The following RALGAPA1 variants were observed in gnomAD, a reference collection of about 807,000 sequenced individuals.
The protein encoded by RALGAPA1 is ral GTPase-activating protein subunit alpha-1.
RALGAPA1 carries 52 observed loss-of-function variants against 269.6 expected under a neutral mutation model. The observed-to-expected ratio is 0.19, with a 90% CI of 0.15 to 0.24. The LOEUF (loss-of-function observed/expected upper bound fraction) is 0.24, where lower values mean the gene tolerates loss of function less well. RALGAPA1 is among the 10% of genes least tolerant of loss of function. The pLI is 1.00. For missense variants in RALGAPA1, 1,917 were observed against 3,013.9 expected (o/e 0.64, Z 8.52); for synonymous variants, 817 against 1,008.3 (o/e 0.81, Z 3.60).
intron 36 of RALGAPA1, among the ~76,000 whole-genome samples, chr14:35,599,301 C>T (rs559624985): frequency 3.9e-5 from 6 of 152,248 alleles, no homozygotes; most frequent in African/African-American, 1.4e-4. Context: ...TTTCAAAATT[C>T]CTCCTTTTAT....
At chr14:35,652,680 C>T (rs925485031) in intron 30 of RALGAPA1, among the ~76,000 whole-genome samples, 1 of 152,098 alleles carries the variant, frequency 6.6e-6, no homozygotes, top group Non-Finnish European at 1.5e-5. Flanking sequence ...GCTGGGATTA[C>T]AGGCATGAGC....
At chr14:35,771,589 G>A (rs576980762) in intron 3 of RALGAPA1, among the ~76,000 whole-genome samples, 126 of 152,110 alleles carry the variant, frequency 8.3e-4, no homozygotes, top group African/African-American at 2.8e-3. Flanking sequence ...AATATAGAAG[G>A]TATATGTTTT....
At chr14:35,607,214 T>C (rs1371604984) in intron 35 of RALGAPA1, among the ~76,000 whole-genome samples, 2 of 152,260 alleles carry the variant, frequency 1.3e-5, no homozygotes, top group African/African-American at 4.8e-5. Context: ...TTTTGATATA[T>C]GAATTACAAC....
At chr14:35,566,716 TTTAAAA>T (rs2056739306) in intron 39 of RALGAPA1, among the ~76,000 whole-genome samples, 1 of 151,772 alleles carries the variant, frequency 6.6e-6, no homozygotes, top group African/African-American at 2.4e-5. Context: ...TAAGTATTTA[TTTAAAA>T]TTAAGACAGA....
At position 35,640,189 on chromosome 14, in the gene RALGAPA1, GAGC is replaced by G. The variant is rs541050329; in HGVS notation, c.5677-4594_5677-4592del. ...GCATCTTAAAGAACCAGAAAAGCAA[GAGC>G]AAACCAAACCCAAAGTAAGCAGAAT... On this transcript the variant is annotated intron_variant, in intron 31 of 41. Coordinates refer to ENST00000680220, the MANE Select transcript of RALGAPA1 (RefSeq NM_001346249.2). Among the ~76,000 whole-genome samples, 109 of 151,948 alleles carry G rather than the reference GAGC, an allele frequency of 7.2e-4. 1 individual carries two copies. Among genetic ancestry groups the G allele is most frequent in the Middle Eastern group, 3.4e-3 (1 of 292 alleles).
intron 37 of RALGAPA1, among the ~76,000 whole-genome samples, chr14:35,585,111 C>G (rs1400837669): frequency 6.6e-6 from 1 of 152,154 alleles, no homozygotes; most frequent in African/African-American, 2.4e-5. Flanking sequence ...GGAGTCAATA[C>G]TAGAAGATGA....
chr14:35,648,345 A>T (rs1209731465), intron 31 of RALGAPA1, among the ~76,000 whole-genome samples: 1 of 148,816 alleles, frequency 6.7e-6, no homozygotes, highest in Non-Finnish European at 1.5e-5. Flanking sequence ...GCACGCCTGT[A>T]ATCCCAGCTA....
intron 41 of RALGAPA1, among the ~76,000 whole-genome samples, chr14:35,540,809 A>C (rs985882261): frequency 1.3e-5 from 2 of 152,196 alleles, no homozygotes; most frequent in African/African-American, 2.4e-5. Context: ...GTACACATAC[A>C]TGTCCTTACT....
At position 35,675,732 on chromosome 14, in the gene RALGAPA1, T is replaced by C. The variant is rs565743476; in HGVS notation, c.4625-1023A>G. ...AAAAAAAATCCATTATTCTACTCAATGTATATAATGGAAAAGGCTATAGAA... is the reference window on the plus strand; with the variant it reads ...AAAAAAAATCCATTATTCTACTCAACGTATATAATGGAAAAGGCTATAGAA... On this transcript the variant is annotated intron_variant, in intron 22 of 41. Coordinates refer to ENST00000680220, the MANE Select transcript of RALGAPA1 (RefSeq NM_001346249.2). Among the ~76,000 whole-genome samples the C allele has an allele frequency of 5.3e-5, 8 of 152,238 alleles. No individual in the cohort carries two copies. In the East Asian group the frequency reaches 1.5e-3, roughly 29 times the overall value.
At chr14:35,678,353 G>C (rs543238109) in intron 21 of RALGAPA1, among the ~76,000 whole-genome samples, 12 of 152,102 alleles carry the variant, frequency 7.9e-5, no homozygotes, top group Admixed American at 7.2e-4. Flanking sequence ...GGAGCCATTA[G>C]TGAAACTAAG....
intron 14 of RALGAPA1, 119 bp from the exon 15 acceptor site, chr14:35,723,383 T>C: frequency 1.7e-6 from 1 of 594,988 alleles, no homozygotes; most frequent in South Asian, 2.5e-5. Flanking sequence ...TCGCATGCTT[T>C]TTTTAATAGA....
chr14:35,573,741 G>T (rs1187952926), intron 37 of RALGAPA1, among the ~76,000 whole-genome samples: 1 of 152,094 alleles, frequency 6.6e-6, no homozygotes, highest in African/African-American at 2.4e-5. Flanking sequence ...GCATACACAA[G>T]TTGAATAATA....
chr14:35,583,331 T>C (rs142468179), intron 37 of RALGAPA1, among the ~76,000 whole-genome samples: 1 of 152,196 alleles, frequency 6.6e-6, no homozygotes, highest in South Asian at 2.1e-4. Context: ...ATGTCTTTGA[T>C]AGGCTCATTC....
chr14:35,766,346 G>T, intron 4 of RALGAPA1: 2 of 1,294,190 alleles, frequency 1.5e-6, no homozygotes, highest in South Asian at 2.4e-5. Context: ...TTCCCAGTTT[G>T]ACAAATGTGA....
intron 9 of RALGAPA1, among the ~76,000 whole-genome samples, chr14:35,750,042 A>AT: frequency 6.6e-6 from 1 of 152,212 alleles, no homozygotes; most frequent in Admixed American, 6.5e-5. Context: ...TTGCTTTGTA[A>AT]TTTTATATCA....
rs1343622424 is a variant in RALGAPA1 at position 35,742,423 on chromosome 14, A to G, written c.1394T>C (p.Ile465Thr). The G allele has an allele frequency of 1.9e-6, 3 of 1,606,088 alleles. No homozygotes were observed. The highest frequency in any genetic ancestry group is 2.2e-5 in the East Asian group (1 of 44,582). ...IVITSSDLPCIENVTDHDISM... is the reference protein window; with the variant it reads ...IVITSSDLPCTENVTDHDISM... ...AATATCATGGTCTGTGACATTTTCAATGCAAGGGAGGTCTGAAGAAGTGAT... is the reference window on the plus strand; with the variant it reads ...AATATCATGGTCTGTGACATTTTCAGTGCAAGGGAGGTCTGAAGAAGTGAT... The change falls in exon 11 of 42, where the codon ATT (isoleucine) becomes ACT (threonine). Residue 465 changes from isoleucine to threonine, a missense_variant. Physicochemically the swap from Ile to Thr is moderately conservative, Grantham distance 89 (BLOSUM62 -1). Coordinates refer to ENST00000680220, the MANE Select transcript of RALGAPA1 (RefSeq NM_001346249.2).
chr14:35,671,185 T>C (rs1185705256), intron 26 of RALGAPA1, among the ~76,000 whole-genome samples: 1 of 152,204 alleles, frequency 6.6e-6, no homozygotes, highest in African/African-American at 2.4e-5. Context: ...CAACTTTAAA[T>C]CCTGTTCTGC....
intron 39 of RALGAPA1, among the ~76,000 whole-genome samples, chr14:35,562,275 T>C (rs2056324389): frequency 6.6e-6 from 1 of 152,210 alleles, no homozygotes; most frequent in South Asian, 2.1e-4. Flanking sequence ...ACTGCTCTCC[T>C]GTTGCTACCA....
Position 35,808,736 on chromosome 14 carries a change from C to G in RALGAPA1, c.100G>C (p.Val34Leu). 1 of 1,612,350 alleles carries G rather than the reference C, an allele frequency of 6.2e-7. No homozygotes were observed. Among genetic ancestry groups the G allele is most frequent in the Admixed American group, 1.7e-5 (1 of 59,800 alleles). Residue 34 changes from valine (V) to leucine (L), a missense_variant, in exon 1 of 42, where the codon GTC becomes CTC. Transcript: ENST00000680220. ...GCCACCCCTCGCTCCTCACCGATGA[C>G]GATGCGCAGGTGCTTGAGGCGAGTC... ...ALTRLKHLRI[V>L]IENAESIDLK...
Sources: allele counts gnomAD v4.1 joint callset (sites outside exome capture counted in the v4.1 genomes callset), GRCh38; gene constraint gnomAD v4.1.1; transcripts MANE v1.5; gene names NCBI Gene and HGNC (gene_info 2026-07-23, HGNC 2026-07-21).